Variants in COX18 observed in about 807,000 individuals in gnomAD.
The protein encoded by COX18 is cytochrome c oxidase assembly protein COX18, mitochondrial.
In COX18, 45 loss-of-function variants were observed where a neutral mutation model predicts 38.0. The ratio of observed to expected loss-of-function variants is 1.18; its 90% CI spans 0.93 to 1.52. COX18 has a LOEUF of 1.52. COX18 is among the 40% of genes most tolerant of loss of function. The probability of loss-of-function intolerance (pLI) is 0.00; values close to 1 mark genes in which losing one functional copy is unlikely to be tolerated. For synonymous variants in COX18, 177 were observed against 169.8 expected, an observed-to-expected ratio of 1.04 and a Z score of -0.33; for missense variants, 462 against 423.8, an observed-to-expected ratio of 1.09 and a Z score of -0.79.
chr4:73,067,500 T>G (rs1051531287), intron 2 of COX18, among the ~76,000 whole-genome samples: 1 of 152,120 alleles, frequency 6.6e-6, no homozygotes, highest in Admixed American at 6.6e-5. Context: ...TTCTTTGCTT[T>G]CAGTCCAGCA....
In COX18 at chr4:73,068,061, T is replaced by A; in HGVS notation, c.402A>T (p.Ala134=). 1 of 1,610,762 alleles carries A rather than the reference T, an allele frequency of 6.2e-7. No homozygotes were observed. The highest frequency in any genetic ancestry group is 8.5e-7 in the Non-Finnish European group (1 of 1,178,700). Residue 134 remains alanine (A), a synonymous_variant, in exon 2 of 6, where the codon GCA becomes GCT. Coordinates refer to ENST00000507544, the MANE Select transcript of COX18 (RefSeq NM_001297732.2). The part of the protein sequence containing the change: ...RHLNQEVAVR[A]NQLGWSKRDA... The stretch of plus-strand genomic sequence containing the variant: ...CTCTTTTGGACCACCCCAACTGATT[T>A]GCACGAACTGCAACTTCTTGGTTAA...
chr4:73,060,505 A>G (rs1365752062), intron 5 of COX18, among the ~76,000 whole-genome samples: 1 of 152,236 alleles, frequency 6.6e-6, no homozygotes, highest in Non-Finnish European at 1.5e-5. Context: ...TATTCTGCAT[A>G]GGATTAATGA....
intron 2 of COX18, among the ~76,000 whole-genome samples, chr4:73,067,338 C>T (rs898695254): frequency 7.9e-5 from 12 of 152,186 alleles, no homozygotes. Context: ...TGAACCCTGC[C>T]CTGACCTTCC....
At chr4:73,059,882 ATTTTTAT>A (rs1426843608) in intron 5 of COX18, among the ~76,000 whole-genome samples, 1 of 151,890 alleles carries the variant, frequency 6.6e-6, no homozygotes, top group African/African-American at 2.4e-5. Context: ...CAAAATCTTA[ATTTTTAT>A]TTGAGTAGGC....
Position 73,065,647 on chromosome 4 carries a change from C to A in COX18, c.435-234G>T, listed in dbSNP as rs540666174. On this transcript the variant is annotated intron_variant, in intron 2 of 5. Coordinates refer to ENST00000507544, the MANE Select transcript of COX18 (RefSeq NM_001297732.2). ...TACATAACAATCTGAAATTGTCAGACTACAGGCTTTGTCTCTGGTGGTCTT... is the reference window on the plus strand; with the variant it reads ...TACATAACAATCTGAAATTGTCAGAATACAGGCTTTGTCTCTGGTGGTCTT... 2.0e-5 allele frequency among the ~76,000 whole-genome samples: 3 copies of A among 152,222 alleles called. No homozygotes were observed. In the South Asian group the frequency reaches 6.2e-4, roughly 32 times the overall value.
At position 73,064,908 on chromosome 4, in the gene COX18, A is replaced by G. The variant is rs1720361793; in HGVS notation, c.599-6T>C. ...TTCCTGAACAGAAAAACCTGCTAAAACAGTTTTATAAATAAAACAATAGAA... is the reference window on the plus strand; with the variant it reads ...TTCCTGAACAGAAAAACCTGCTAAAGCAGTTTTATAAATAAAACAATAGAA... On this transcript the variant is annotated splice_region_variant and splice_polypyrimidine_tract_variant and intron_variant, in intron 3 of 5. Transcript: ENST00000507544. 2 of 1,612,768 alleles carry G rather than the reference A, an allele frequency of 1.2e-6. No individual in the cohort carries two copies.
intron 2 of COX18, among the ~76,000 whole-genome samples, chr4:73,067,080 C>G (rs1380815542): frequency 6.6e-6 from 1 of 152,146 alleles, no homozygotes; most frequent in Non-Finnish European, 1.5e-5. Context: ...TGCAGACATC[C>G]TTGGGCGCAA....
intron 2 of COX18, 34 bp from the exon 3 acceptor site, chr4:73,065,447 A>G (rs1170896593): frequency 6.4e-7 from 1 of 1,560,116 alleles, no homozygotes; most frequent in Non-Finnish European, 8.8e-7. Context: ...AAGGGGAAAG[A>G]GAAAATGTCA....
intron 2 of COX18, among the ~76,000 whole-genome samples, chr4:73,066,183 C>T (rs1229902914): frequency 6.6e-6 from 1 of 152,190 alleles, no homozygotes; most frequent in East Asian, 1.9e-4. Flanking sequence ...TCCATAATTT[C>T]ACATTTGCCT....
Position 73,064,882 on chromosome 4 carries a change from G to C in COX18, c.619C>G (p.Gln207Glu), listed in dbSNP as rs769183596. Residue 207 changes from glutamine (Q) to glutamate (E), a missense_variant, in exon 4 of 6, where the codon CAG becomes GAG. Gln to Glu is a conservative substitution (Grantham distance 29). Transcript: ENST00000507544. ...CACAGAATTCCACCAGTAGCTAACT[G>C]TTCCTGAACAGAAAAACCTGCTAAA... ...HSEAGFSVQE[Q>E]LATGGILWFP... The C allele has an allele frequency of 1.2e-5, 19 of 1,613,724 alleles. No individual in the cohort carries two copies. The highest frequency in any genetic ancestry group is 1.6e-5 in the Non-Finnish European group (19 of 1,179,836).
Position 73,058,141 on chromosome 4 carries a change from A to G in COX18, c.978T>C (p.Phe326=), listed in dbSNP as rs1414593907. 1.9e-6 allele frequency: 3 copies of G among 1,604,532 alleles called. No individual in the cohort carries two copies. The South Asian group carries it at 3.4e-5, about 18-fold the overall frequency. The part of the protein sequence containing the change: ...ETPYKDIFAA[F]NTKFISRK ...ATTTTCTTGAAATGAACTTGGTATT[A>G]AAGGCAGCAAATATGTCTTTATAAG... Residue 326 remains phenylalanine (F), a synonymous_variant, in exon 6 of 6, where the codon TTT becomes TTC. Coordinates refer to ENST00000507544, the MANE Select transcript of COX18 (RefSeq NM_001297732.2).
rs1321730722 is a variant in COX18 at position 73,069,186 on chromosome 4, T to G, written c.333+131A>C. Reference sequence around the variant, plus strand: ...TAACGCTAAAATGGTCACAATGAAATGGTCACGATGATTAAACACTAAGCA... The same window carrying G: ...TAACGCTAAAATGGTCACAATGAAAGGGTCACGATGATTAAACACTAAGCA... On this transcript the variant is annotated intron_variant, in intron 1 of 5. Coordinates refer to ENST00000507544, the MANE Select transcript of COX18 (RefSeq NM_001297732.2). 71 of 669,486 alleles carry G rather than the reference T, an allele frequency of 1.1e-4. 1 individual carries two copies. The South Asian group carries it at 1.4e-3, about 14-fold the overall frequency. 41.5% of individuals were successfully genotyped at this position (669,486 alleles called of 1,614,324 possible).
chr4:73,062,448 A>G (rs1720220250), intron 4 of COX18, among the ~76,000 whole-genome samples: 1 of 152,166 alleles, frequency 6.6e-6, no homozygotes, highest in Admixed American at 6.5e-5. Flanking sequence ...AACAAGGGCA[A>G]TGATTTATAT....
At chr4:73,065,570 C>T (rs1250153769) in intron 2 of COX18, among the ~76,000 whole-genome samples, 157 bp from the exon 3 acceptor site, 1 of 152,102 alleles carries the variant, frequency 6.6e-6, no homozygotes, top group Non-Finnish European at 1.5e-5. Context: ...GTTGCCTAAA[C>T]AACAGGCAAA....
rs1719867939 is a variant in COX18, at chr4:73,055,785, T to G, written c.*2329A>C. ...ACTGGTTCTGGGGTTATGGATAGATTTGAGCAAGGAGGCAAATTTACAAAT... is the reference window on the plus strand; with the variant it reads ...ACTGGTTCTGGGGTTATGGATAGATGTGAGCAAGGAGGCAAATTTACAAAT... On this transcript the variant is annotated 3_prime_UTR_variant, in exon 6 of 6. Coordinates refer to ENST00000507544, the MANE Select transcript of COX18 (RefSeq NM_001297732.2). 1 of 152,174 alleles carries G rather than the reference T, an allele frequency of 6.6e-6. No individual in the cohort carries two copies. The highest frequency in any genetic ancestry group is 2.4e-5 in the African/African-American group (1 of 41,446). The allele number at this position is 152,174 out of a possible 1,614,324, so 9.4% of individuals were successfully genotyped here. A position where few individuals can be genotyped will look rare whatever the true frequency, so the allele number is the denominator to read the frequency against.
chr4:73,062,006 A>T, intron 4 of COX18, 86 bp from the exon 5 acceptor site: 6 of 616,734 alleles, frequency 9.7e-6, no homozygotes, highest in Non-Finnish European at 1.7e-5. Flanking sequence ...CTGATTTTTC[A>T]CTGGCCTCCA....
rs1422632760 is a variant in COX18, at chr4:73,054,562, C to G, written c.*3552G>C. 6.6e-6 allele frequency: 1 copy of G among 152,064 alleles called. No individual in the cohort carries two copies. The highest frequency in any genetic ancestry group is 1.5e-5 in the Non-Finnish European group (1 of 68,016). The allele number at this position is 152,064 out of a possible 1,614,324, so 9.4% of individuals were successfully genotyped here. Reference sequence around the variant, plus strand: ...GGAAGGGCCTTGTATTCTCAAACTTCCTGTATATATTTGAAAAGAAATTTC... The same window carrying G: ...GGAAGGGCCTTGTATTCTCAAACTTGCTGTATATATTTGAAAAGAAATTTC... On this transcript the variant is annotated 3_prime_UTR_variant, in exon 6 of 6. Transcript: ENST00000507544.
Position 73,069,644 on chromosome 4 carries a change from C to G in COX18, c.6G>C (p.Leu2=), listed in dbSNP as rs751220912. The part of the protein sequence containing the change: M[L]CRLGGRWLRP... The stretch of plus-strand genomic sequence containing the variant: ...GCAGCCACCGACCGCCGAGCCGGCA[C>G]AGCATTTCTGCACCACGGCGGAGCC... Residue 2 remains leucine (L), a synonymous_variant, in exon 1 of 6, where the codon CTG becomes CTC. Coordinates refer to ENST00000507544, the MANE Select transcript of COX18 (RefSeq NM_001297732.2). The G allele has an allele frequency of 5.8e-6, 9 of 1,549,104 alleles. 1 individual carries two copies. In the South Asian group the frequency reaches 1.1e-4, roughly 18 times the overall value.
At position 73,068,072 on chromosome 4, in the gene COX18, C is replaced by A. The variant is rs1338976847; in HGVS notation, c.391G>T (p.Ala131Ser). The change falls in exon 2 of 6, where the codon GCA becomes TCA. Residue 131 changes from alanine to serine, a missense_variant. Transcript: ENST00000507544. ...TIARHLNQEVAVRANQLGWSK... is the reference protein window; with the variant it reads ...TIARHLNQEVSVRANQLGWSK... ...CACCCCAACTGATTTGCACGAACTG[C>A]AACTTCTTGGTTAAGATGCCTGGCA... The A allele has an allele frequency of 1.4e-5, 23 of 1,606,506 alleles. No homozygotes were observed. The highest frequency in any genetic ancestry group is 1.7e-5 in the Admixed American group (1 of 58,698).
Sources: allele counts gnomAD v4.1 joint callset (sites outside exome capture counted in the v4.1 genomes callset), GRCh38; gene constraint gnomAD v4.1.1; transcripts MANE v1.5; gene names NCBI Gene and HGNC (gene_info 2026-07-23, HGNC 2026-07-21).